CPQ: variants seen among roughly 807,000 people sequenced by gnomAD.
CPQ encodes carboxypeptidase Q.
CPQ carries 37 observed loss-of-function variants against 45.7 expected under a neutral mutation model. The observed-to-expected ratio is 0.81, with a 90% CI of 0.62 to 1.07. The LOEUF is 1.07. Among genes scored for constraint, CPQ ranks in the 50% least tolerant of loss-of-function variants. The pLI is 0.00. For synonymous variants in CPQ, 186 were observed against 205.8 expected, an observed-to-expected ratio of 0.90 and a Z score of 0.82; for missense variants, 537 against 572.9, an observed-to-expected ratio of 0.94 and a Z score of 0.64.
At chr8:97,085,671 A>AAGAT (rs1427097351) in intron 7 of CPQ, among the ~76,000 whole-genome samples, 4 of 152,164 alleles carry the variant, frequency 2.6e-5, no homozygotes, top group African/African-American at 7.2e-5. Flanking sequence ...TTTCATTTAA[A>AAGAT]AGATAGGTAC....
intron 7 of CPQ, among the ~76,000 whole-genome samples, chr8:97,070,294 T>C (rs887661276): frequency 6.6e-6 from 1 of 152,142 alleles, no homozygotes; most frequent in African/African-American, 2.4e-5. Context: ...CAAGTCTTTG[T>C]CCCACAACCT....
chr8:97,084,824 GTGTGTGTGTGTGTC>G (rs916370048), intron 7 of CPQ, among the ~76,000 whole-genome samples: 36 of 151,814 alleles, frequency 2.4e-4, no homozygotes, highest in Admixed American at 1.4e-3. Flanking sequence ...GTGTGTGTGT[GTGTGTGTGTGTGTC>G]TCTCTGTGTG....
At chr8:97,142,010 G>A (rs935731681) in intron 7 of CPQ, among the ~76,000 whole-genome samples, 2 of 152,208 alleles carry the variant, frequency 1.3e-5, no homozygotes, top group Non-Finnish European at 2.9e-5. Context: ...AGGCAAGACA[G>A]GCTAGTGGGT....
rs575424999 is a variant in CPQ at position 96,898,346 on chromosome 8, T to C, written c.849+18341T>C. The stretch of plus-strand genomic sequence containing the variant: ...CACAGAGTTGTTATTCAAGTGAATA[T>C]TAGCTACCACTCTTTGAGGTTAGTA... On this transcript the variant is annotated intron_variant, in intron 4 of 7. Transcript: ENST00000220763. Among the ~76,000 whole-genome samples, 146 of 152,212 alleles carry C rather than the reference T, an allele frequency of 9.6e-4. 2 individuals are homozygous for C. The South Asian group carries it at 0.01, about 11-fold the overall frequency.
Position 96,700,274 on chromosome 8 carries a change from TAAG to T in CPQ, c.-35+54880_-35+54882del, listed in dbSNP as rs376493330. On this transcript the variant is annotated intron_variant, in intron 1 of 7. Transcript: ENST00000220763. ...GACAATGGACCGCAGGTAAGATGTC[TAAG>T]AAGAAGACAGAGAAAATCCCCCAGC... is the stretch of plus-strand genomic sequence containing the variant. 2.7e-4 allele frequency among the ~76,000 whole-genome samples: 41 copies of T among 152,194 alleles called. No individual in the cohort carries two copies. The South Asian group carries it at 7.9e-3, about 29-fold the overall frequency.
intron 7 of CPQ, among the ~76,000 whole-genome samples, chr8:97,122,996 A>AT (rs2130610259): frequency 1.4e-5 from 1 of 70,646 alleles, no homozygotes; most frequent in African/African-American, 7.1e-5. Flanking sequence ...ATAAAATAAA[A>AT]TAAAATATAA....
chr8:97,133,024 A>T (rs1481633512), intron 7 of CPQ: 2 of 152,232 alleles, frequency 1.3e-5, no homozygotes, highest in African/African-American at 4.8e-5. Flanking sequence ...GCACACACAG[A>T]AAATTATAAA....
intron 1 of CPQ, among the ~76,000 whole-genome samples, chr8:96,656,101 A>G (rs1815634576): frequency 1.3e-5 from 2 of 152,146 alleles, no homozygotes; most frequent in African/African-American, 2.4e-5. Context: ...TGATCTACTT[A>G]CCTTGGCCTC....
intron 4 of CPQ, among the ~76,000 whole-genome samples, chr8:96,925,947 CA>C (rs2130914306): frequency 6.6e-6 from 1 of 152,230 alleles, no homozygotes; most frequent in South Asian, 2.1e-4. Context: ...CTTGGCCTCC[CA>C]AAGTGCTGAT....
intron 7 of CPQ, among the ~76,000 whole-genome samples, chr8:97,078,961 C>G (rs954720505): frequency 6.6e-6 from 1 of 152,058 alleles, no homozygotes; most frequent in African/African-American, 2.4e-5. Flanking sequence ...TTGTGCCCAG[C>G]TAATTTTTTT....
chr8:96,825,503 T>A (rs1000222123), intron 2 of CPQ, among the ~76,000 whole-genome samples: 1 of 152,036 alleles, frequency 6.6e-6, no homozygotes, highest in African/African-American at 2.4e-5. Context: ...ATGCCCTTAC[T>A]CTCTCCTCCT....
At chr8:96,972,252 G>A (rs1813691795) in intron 5 of CPQ, among the ~76,000 whole-genome samples, 1 of 152,096 alleles carries the variant, frequency 6.6e-6, no homozygotes, top group African/African-American at 2.4e-5. Context: ...CCACCTCCCT[G>A]GCAACTTGTA....
intron 3 of CPQ, among the ~76,000 whole-genome samples, chr8:96,870,434 G>A (rs939759154): frequency 2.0e-5 from 3 of 151,950 alleles, no homozygotes; most frequent in Non-Finnish European, 2.9e-5. Context: ...TCATTAGATA[G>A]TAATCATTTT....
At chr8:96,681,529 A>G (rs1187370781) in intron 1 of CPQ, among the ~76,000 whole-genome samples, 1 of 152,234 alleles carries the variant, frequency 6.6e-6, no homozygotes, top group Non-Finnish European at 1.5e-5. Context: ...CTGGCTGCAC[A>G]GGCAGAAGTT....
At chr8:97,086,295 A>G (rs1476101143) in intron 7 of CPQ, among the ~76,000 whole-genome samples, 1 of 152,194 alleles carries the variant, frequency 6.6e-6, no homozygotes, top group Non-Finnish European at 1.5e-5. Flanking sequence ...TCAGGGGGTA[A>G]AGGGAAGCTA....
intron 6 of CPQ, among the ~76,000 whole-genome samples, chr8:97,039,818 A>AT (rs1398253104): frequency 2.0e-5 from 3 of 152,000 alleles, no homozygotes; most frequent in African/African-American, 7.3e-5. Flanking sequence ...TGAACTCATC[A>AT]TTTTTATGGC....
chr8:97,047,027 T>A (rs1366406070), intron 6 of CPQ, among the ~76,000 whole-genome samples: 1 of 152,206 alleles, frequency 6.6e-6, no homozygotes, highest in Non-Finnish European at 1.5e-5. Context: ...CCACCAAGAA[T>A]TTTGAAAGGT....
intron 2 of CPQ, among the ~76,000 whole-genome samples, chr8:96,824,803 TA>T (rs1248991349): frequency 4.6e-5 from 7 of 152,094 alleles, no homozygotes; most frequent in Admixed American, 4.6e-4. Flanking sequence ...AAAAACTTCC[TA>T]TTCATTTTGT....
intron 1 of CPQ, among the ~76,000 whole-genome samples, chr8:96,740,291 G>C (rs1810066861): frequency 1.3e-5 from 2 of 152,154 alleles, no homozygotes; most frequent in Admixed American, 1.3e-4. Context: ...AAGAATGCTT[G>C]TGATTTTTGT....
Sources: allele counts gnomAD v4.1 joint callset (sites outside exome capture counted in the v4.1 genomes callset), GRCh38; gene constraint gnomAD v4.1.1; transcripts MANE v1.5; gene names NCBI Gene and HGNC (gene_info 2026-07-23, HGNC 2026-07-21).